The following LTBP1 variants were observed in gnomAD, a reference collection of about 807,000 sequenced individuals.
The protein encoded by LTBP1 is latent transforming growth factor beta binding protein 1.
A neutral mutation model predicts 207.6 loss-of-function variants in LTBP1; 129 were observed. The observed-to-expected ratio is 0.62, with a 90% CI of 0.54 to 0.72. The LOEUF (loss-of-function observed/expected upper bound fraction) is 0.72. LTBP1 is among the 30% of genes least tolerant of loss of function. The probability of loss-of-function intolerance (pLI) is 0.00; values close to 1 mark genes in which losing one functional copy is unlikely to be tolerated. For missense variants in LTBP1, 2,281 were observed against 2,217.2 expected, an observed-to-expected ratio of 1.03 and a Z score of -0.58; for synonymous variants, 963 against 833.7, an observed-to-expected ratio of 1.16 and a Z score of -2.67.
Position 33,134,751 on chromosome 2 carries a change from T to C in LTBP1, c.1034-42T>C. The C allele has an allele frequency of 6.2e-7, 1 of 1,614,106 alleles. No individual in the cohort carries two copies. The highest frequency in any genetic ancestry group is 1.1e-5 in the South Asian group (1 of 91,070). On this transcript the variant is annotated intron_variant, in intron 4 of 33. Transcript: ENST00000404816. The surrounding 1 kb of genome is among the most constrained non-coding windows in gnomAD (Gnocchi z 4.4). ...CAAGGCAAGTTCATGGATACTAAGC[T>C]GATGTGTTTGTTGTTCTTTTTCTCC...
At chr2:33,293,482 C>T (rs935513244) in intron 20 of LTBP1, among the ~76,000 whole-genome samples, 200 bp downstream of exon 20, 4 of 152,008 alleles carry the variant, frequency 2.6e-5, no homozygotes, top group Non-Finnish European at 4.4e-5. Context: ...TAAAGGGAAA[C>T]GATGTATTTT....
intron 9 of LTBP1, among the ~76,000 whole-genome samples, chr2:33,239,583 T>C (rs2092216531): frequency 6.6e-6 from 1 of 152,102 alleles, no homozygotes; most frequent in Non-Finnish European, 1.5e-5. Flanking sequence ...GGAAGGTTTG[T>C]TGACGCTTTA....
intron 11 of LTBP1, among the ~76,000 whole-genome samples, chr2:33,254,613 A>G (rs1414316498): frequency 1.9e-5 from 1 of 52,714 alleles, no homozygotes; most frequent in Admixed American, 2.0e-4. Flanking sequence ...TGTTTTTATT[A>G]TACTTTAAGT....
chr2:33,308,162 A>T (rs1174007613), intron 22 of LTBP1, among the ~76,000 whole-genome samples: 2 of 152,218 alleles, frequency 1.3e-5, no homozygotes, highest in Non-Finnish European at 2.9e-5. Flanking sequence ...AAGAGGGCTC[A>T]TGGAGTACAT....
chr2:33,259,915 T>C (rs1047964693), intron 13 of LTBP1, among the ~76,000 whole-genome samples: 2 of 152,172 alleles, frequency 1.3e-5, no homozygotes, highest in Non-Finnish European at 2.9e-5. Flanking sequence ...TAAATAGAAT[T>C]CAATGTCACC....
At position 33,398,519 on chromosome 2, in the gene LTBP1, T is replaced by C. The variant is rs2095380454; in HGVS notation, c.5140T>C (p.Leu1714=). Residue 1714 remains leucine (L), a synonymous_variant, in exon 34 of 34, where the codon TTA becomes CTA. Transcript: ENST00000404816. ...YCTPLNTALN[L]EKDSDLE ...CACTCCGTTGAATACCGCCTTGAATTTAGAGAAAGACAGTGACCTGGAGTG... is the reference window on the plus strand; with the variant it reads ...CACTCCGTTGAATACCGCCTTGAATCTAGAGAAAGACAGTGACCTGGAGTG... 6.2e-7 allele frequency: 1 copy of C among 1,614,006 alleles called. No individual in the cohort carries two copies. Among genetic ancestry groups the C allele is most frequent in the Admixed American group, 1.7e-5 (1 of 59,988 alleles).
chr2:33,267,297 C>T (rs1345957958), intron 15 of LTBP1, among the ~76,000 whole-genome samples: 1 of 152,200 alleles, frequency 6.6e-6, no homozygotes. Context: ...GCTGGCAGCA[C>T]AGGCCAAGCA....
intron 3 of LTBP1, among the ~76,000 whole-genome samples, chr2:33,050,978 C>T (rs1457836807): frequency 6.6e-6 from 1 of 152,148 alleles, no homozygotes; most frequent in East Asian, 1.9e-4. Flanking sequence ...CCACCTTGGC[C>T]TCCCAAAGTG....
intron 12 of LTBP1, among the ~76,000 whole-genome samples, chr2:33,257,904 A>T (rs1472562694): frequency 6.6e-6 from 1 of 152,254 alleles, no homozygotes; most frequent in Non-Finnish European, 1.5e-5. Context: ...TTAAAGCATT[A>T]AGGTCTAATG....
At chr2:32,981,710 G>T (rs140572272) in intron 2 of LTBP1, among the ~76,000 whole-genome samples, 1 of 152,272 alleles carries the variant, frequency 6.6e-6, no homozygotes, top group Non-Finnish European at 1.5e-5. Context: ...CTGGTGGAAG[G>T]TAGTTGAATC....
intron 25 of LTBP1, among the ~76,000 whole-genome samples, chr2:33,345,997 T>G (rs2094696297): frequency 6.6e-6 from 1 of 152,248 alleles, no homozygotes; most frequent in South Asian, 2.1e-4. Context: ...TAGGGCTGTG[T>G]ACTTGCAAAA....
intron 18 of LTBP1, 143 bp downstream of exon 18, chr2:33,276,066 C>G (rs1387604091): frequency 5.8e-6 from 6 of 1,030,374 alleles, no homozygotes; most frequent in Non-Finnish European, 7.9e-6. Flanking sequence ...TTCACAGGCT[C>G]TTTGCCTCTT....
chr2:33,007,274 C>T (rs968539817), intron 2 of LTBP1, among the ~76,000 whole-genome samples: 2 of 152,230 alleles, frequency 1.3e-5, no homozygotes, highest in Admixed American at 6.5e-5. Context: ...AGCCATCATG[C>T]CCGGCCTTGA....
At chr2:33,258,692 G>A (rs896342871) in intron 12 of LTBP1, among the ~76,000 whole-genome samples, 2 of 152,168 alleles carry the variant, frequency 1.3e-5, no homozygotes, top group African/African-American at 2.4e-5. Context: ...CTTCTTCGTG[G>A]TAGGTTAGGC....
At chr2:33,057,869 G>A (rs2077081053) in intron 3 of LTBP1, among the ~76,000 whole-genome samples, 1 of 152,244 alleles carries the variant, frequency 6.6e-6, no homozygotes, top group Non-Finnish European at 1.5e-5. Context: ...CCAGAGAATG[G>A]CTCCCATGGT....
chr2:33,214,060 A>G (rs1254062042), intron 7 of LTBP1, among the ~76,000 whole-genome samples: 3 of 152,250 alleles, frequency 2.0e-5, no homozygotes, highest in Non-Finnish European at 4.4e-5. Context: ...TTTTAAGCAT[A>G]TAAAATCAGC....
intron 26 of LTBP1, among the ~76,000 whole-genome samples, chr2:33,348,844 C>T (rs545919569): frequency 2.0e-5 from 3 of 152,204 alleles, no homozygotes; most frequent in Non-Finnish European, 2.9e-5. Context: ...ATTGTTGGAC[C>T]GAACCAATAA....
intron 19 of LTBP1, among the ~76,000 whole-genome samples, chr2:33,287,176 C>T (rs1432536712): frequency 1.3e-5 from 2 of 152,150 alleles, no homozygotes; most frequent in African/African-American, 4.8e-5. Context: ...ATAACAAAAT[C>T]CTTCTCATTG....
At chr2:33,147,083 G>A (rs1359270329) in intron 5 of LTBP1, among the ~76,000 whole-genome samples, 2 of 152,184 alleles carry the variant, frequency 1.3e-5, no homozygotes, top group Non-Finnish European at 2.9e-5. Flanking sequence ...TCAAATGCCT[G>A]CCTTCTTCAA....
Sources: allele counts gnomAD v4.1 joint callset (sites outside exome capture counted in the v4.1 genomes callset), GRCh38; gene constraint gnomAD v4.1.1; non-coding constraint Gnocchi (gnomAD v3.1); transcripts MANE v1.5; gene names NCBI Gene and HGNC (gene_info 2026-07-23, HGNC 2026-07-21).